Variants in SLC8A2 observed in about 807,000 individuals in gnomAD.
SLC8A2 encodes the protein solute carrier family 8 member A2.
Under a neutral mutation model 70.2 loss-of-function variants are expected in SLC8A2, and 14 were observed. The ratio of observed to expected loss-of-function variants is 0.20; its 90% CI spans 0.13 to 0.31. SLC8A2 has a LOEUF of 0.31. Among genes scored for constraint, SLC8A2 ranks in the 10% least tolerant of loss-of-function variants. The probability of loss-of-function intolerance (pLI) is 1.00; values close to 1 mark genes in which losing one functional copy is unlikely to be tolerated. For synonymous variants in SLC8A2, 575 were observed against 594.3 expected (o/e 0.97, Z 0.47); for missense variants, 779 against 1,320.1 (o/e 0.59, Z 6.35).
intron 3 of SLC8A2, 58 bp downstream of exon 3, chr19:47,456,872 C>T (rs1967309646): frequency 1.3e-5 from 19 of 1,491,752 alleles, no homozygotes; most frequent in Non-Finnish European, 1.7e-5. Flanking sequence ...GGCCGCCGGA[C>T]GGCGGGACCC....
intron 2 of SLC8A2, 24 bp from the exon 3 acceptor site, chr19:47,457,618 G>A (rs1310435011): frequency 2.0e-6 from 3 of 1,487,648 alleles, no homozygotes; most frequent in Non-Finnish European, 2.7e-6. Flanking sequence ...GCGTCAGGGC[G>A]AGGCCGGGCG....
At chr19:47,454,099 T>C (rs528796913) in intron 3 of SLC8A2, among the ~76,000 whole-genome samples, 1 of 151,930 alleles carries the variant, frequency 6.6e-6, no homozygotes, top group Non-Finnish European at 1.5e-5. Context: ...TGAGCTGTGA[T>C]TGTGCCACTG....
intron 4 of SLC8A2, among the ~76,000 whole-genome samples, chr19:47,446,128 G>A (rs1481261334): frequency 6.6e-6 from 1 of 152,164 alleles, no homozygotes; most frequent in African/African-American, 2.4e-5. Flanking sequence ...TGCCCGAGGC[G>A]GAAGCGCAGA....
chr19:47,432,434 C>T lies in SLC8A2; in HGVS notation c.2122G>A (p.Glu708Lys). The T allele has an allele frequency of 6.3e-7, 1 of 1,596,380 alleles. No individual in the cohort carries two copies. Among genetic ancestry groups the T allele is most frequent in the Non-Finnish European group, 8.5e-7 (1 of 1,170,858 alleles). ...TCCTCCCGGGACCCGTCCTCCTCCT[C>T]CTCCTCGTCCCCTGTGGGCACACGA... ...AITVSAGDEE[E>K]EEDGSREERL... Residue 708 changes from glutamate (E) to lysine (K), a missense_variant, in exon 9 of 10, where the codon GAG (glutamate) becomes AAG (lysine). Around this residue, in one of 6 missense-constraint regions of SLC8A2, gnomAD observed 247 missense variants for 362.8 expected, o/e 0.68. Transcript: ENST00000236877. The surrounding 1 kb of genome is among the most constrained non-coding windows in gnomAD (Gnocchi z 6.2).
intron 4 of SLC8A2, among the ~76,000 whole-genome samples, chr19:47,444,725 A>G (rs830140): frequency 0.78 from 118,547 of 152,184 alleles, 46,937 homozygotes; most frequent in Middle Eastern, 0.89. Context: ...AGGGGACCCA[A>G]ATGCAGGAGA....
intron 9 of SLC8A2, among the ~76,000 whole-genome samples, chr19:47,431,602 T>C (rs1021239599): frequency 1.5e-5 from 2 of 132,876 alleles, no homozygotes; most frequent in Non-Finnish European, 3.1e-5. Context: ...TGAGCCGAGA[T>C]CACAAGATCA....
intron 2 of SLC8A2, among the ~76,000 whole-genome samples, chr19:47,461,439 G>A (rs546551455): frequency 6.6e-6 from 1 of 152,310 alleles, no homozygotes; most frequent in South Asian, 2.1e-4. Context: ...AATCTAGGAG[G>A]CGGAGGTTGC....
intron 8 of SLC8A2, among the ~76,000 whole-genome samples, chr19:47,434,438 C>T (rs1967001321): frequency 6.6e-6 from 1 of 152,188 alleles, no homozygotes. Context: ...GAATCAGTGT[C>T]CTCACCTCTC....
At chr19:47,463,995 G>C (rs1299523261) in intron 2 of SLC8A2, among the ~76,000 whole-genome samples, 1 of 152,200 alleles carries the variant, frequency 6.6e-6, no homozygotes, top group Non-Finnish European at 1.5e-5. Flanking sequence ...CAAATCTCTG[G>C]CTTCAGGTGC....
At chr19:47,469,971 G>A (rs933687436) in intron 1 of SLC8A2, among the ~76,000 whole-genome samples, 1 of 152,172 alleles carries the variant, frequency 6.6e-6, no homozygotes, top group African/African-American at 2.4e-5. Flanking sequence ...GCAGTCTGGC[G>A]TGCCAGGTAA....
At chr19:47,464,981 A>T (rs1355651036) in intron 2 of SLC8A2, among the ~76,000 whole-genome samples, 1 of 152,248 alleles carries the variant, frequency 6.6e-6, no homozygotes, top group Non-Finnish European at 1.5e-5. Context: ...CTATTGGAAT[A>T]AATTATGCAA....
At chr19:47,469,590 C>G (rs1967508098) in intron 1 of SLC8A2, among the ~76,000 whole-genome samples, 1 of 152,166 alleles carries the variant, frequency 6.6e-6, no homozygotes, top group Non-Finnish European at 1.5e-5. Context: ...TGGTTTCTCG[C>G]TGGGGCCTTG....
At chr19:47,456,755 C>T (rs1171842116) in intron 3 of SLC8A2, among the ~76,000 whole-genome samples, 175 bp downstream of exon 3, 1 of 152,184 alleles carries the variant, frequency 6.6e-6, no homozygotes, top group African/African-American at 2.4e-5. Context: ...GGTGTGTGCC[C>T]CACGTCTAGA....
intron 4 of SLC8A2, among the ~76,000 whole-genome samples, chr19:47,445,881 C>A (rs1967155182): frequency 6.6e-6 from 1 of 152,148 alleles, no homozygotes; most frequent in Admixed American, 6.5e-5. Context: ...CTCTCGCAGC[C>A]CCCAACCCAA....
chr19:47,457,312 T>C lies in SLC8A2; in HGVS notation c.958A>G (p.Lys320Glu). 6.5e-7 allele frequency: 1 copy of C among 1,544,880 alleles called. No individual in the cohort carries two copies. The highest frequency in any genetic ancestry group is 8.7e-7 in the Non-Finnish European group (1 of 1,144,960). The change falls in exon 3 of 10, where the codon AAG becomes GAG. Residue 320 changes from lysine (K) to glutamate (E), a missense_variant. Physicochemically the swap from Lys to Glu is moderately conservative, Grantham distance 56. Coordinates refer to ENST00000236877, the MANE Select transcript of SLC8A2 (RefSeq NM_015063.3). ...ASRREVIQIL[K>E]DLKQKHPDKD... ...TCCGGGTGCTTCTGCTTGAGGTCCT[T>C]GAGGATCTGGATGACCTCGCGGCGG... is the stretch of plus-strand genomic sequence containing the variant.
At chr19:47,443,602 G>C (rs187123714) in intron 4 of SLC8A2, among the ~76,000 whole-genome samples, 1 of 152,156 alleles carries the variant, frequency 6.6e-6, no homozygotes, top group African/African-American at 2.4e-5. Flanking sequence ...CAGTTAGCAC[G>C]ACTCCCCCAC....
At chr19:47,441,912 T>G (rs1967104528) in intron 4 of SLC8A2, among the ~76,000 whole-genome samples, 1 of 152,056 alleles carries the variant, frequency 6.6e-6, no homozygotes, top group Non-Finnish European at 1.5e-5. Flanking sequence ...GACCATCCTG[T>G]CCAACATGGT....
intron 9 of SLC8A2, among the ~76,000 whole-genome samples, chr19:47,431,020 A>G (rs2341606): frequency 0.96 from 145,748 of 151,720 alleles, 70,251 homozygotes; most frequent in East Asian, 1. Context: ...CACCGCGCCT[A>G]GCTGTATTTT....
rs185210080 is a variant in SLC8A2, at chr19:47,430,071, G to C, written c.*18C>G. On this transcript the variant is annotated 3_prime_UTR_variant, in exon 10 of 10. Coordinates refer to ENST00000236877, the MANE Select transcript of SLC8A2 (RefSeq NM_015063.3). The surrounding 1 kb of genome is among the most constrained non-coding windows in gnomAD (Gnocchi z 5.9). ...CTAGCCCCGGGCGGGCGGTGGGGAC[G>C]AGTCTCTGCGCGAGGCCCTAGAAGC... 1 of 1,568,890 alleles carries C rather than the reference G, an allele frequency of 6.4e-7. No individual in the cohort carries two copies. Among genetic ancestry groups the C allele is most frequent in the Non-Finnish European group, 8.6e-7 (1 of 1,156,768 alleles).
Sources: allele counts gnomAD v4.1 joint callset (sites outside exome capture counted in the v4.1 genomes callset), GRCh38; gene constraint gnomAD v4.1.1; regional missense constraint gnomAD v4.1.1; non-coding constraint Gnocchi (gnomAD v3.1); transcripts MANE v1.5; gene names NCBI Gene and HGNC (gene_info 2026-07-23, HGNC 2026-07-21).